ANO5: variants seen among roughly 807,000 people sequenced by gnomAD.
The protein encoded by ANO5 is anoctamin-5.
ANO5 carries 109 observed loss-of-function variants against 121.0 expected under a neutral mutation model. The observed-to-expected ratio is 0.90, with a 90% CI of 0.77 to 1.06. ANO5 has a LOEUF of 1.06. Ranked by LOEUF, ANO5 falls within the 50% of genes least tolerant of loss-of-function variation. ANO5 has a pLI of 0.00. For synonymous variants in ANO5, 406 were observed against 359.9 expected (o/e 1.13, Z -1.45); for missense variants, 1,064 against 1,078.5 (o/e 0.99, Z 0.19).
Position 22,272,781 on chromosome 11 carries a change from C to G in ANO5, c.2030-3C>G, listed in dbSNP as rs752534913. On this transcript the variant is annotated splice_polypyrimidine_tract_variant and splice_region_variant and intron_variant, in intron 18 of 21. Transcript: ENST00000324559. The stretch of plus-strand genomic sequence containing the variant: ...AGTTCATGCCTTTTTCTTTTCTCTA[C>G]AGTTACTCAATTTGGATTTGTTACA... 6.2e-7 allele frequency: 1 copy of G among 1,613,110 alleles called. No individual in the cohort carries two copies. The highest frequency in any genetic ancestry group is 1.1e-5 in the South Asian group (1 of 91,044).
chr11:22,251,993 G>A (rs745916667), intron 12 of ANO5, among the ~76,000 whole-genome samples: 14 of 119,816 alleles, frequency 1.2e-4, no homozygotes, highest in Admixed American at 2.4e-4. Flanking sequence ...TTGTGCCACT[G>A]CACTCAAGCC....
intron 1 of ANO5, among the ~76,000 whole-genome samples, chr11:22,201,895 A>T (rs932571374): frequency 6.6e-6 from 1 of 152,126 alleles, no homozygotes. Flanking sequence ...TTGGGAGACA[A>T]ATTCAATCCA....
At chr11:22,228,240 A>G (rs1213289301) in intron 7 of ANO5, among the ~76,000 whole-genome samples, 1 of 152,090 alleles carries the variant, frequency 6.6e-6, no homozygotes, top group Non-Finnish European at 1.5e-5. Flanking sequence ...AGCTTTGAGC[A>G]GTGCCTGGCT....
chr11:22,215,814 G>T lies in ANO5; in HGVS notation c.139-2432G>T, dbSNP rs149227766. Among the ~76,000 whole-genome samples, 295 of 151,730 alleles carry T rather than the reference G, an allele frequency of 1.9e-3. 5 individuals carry two copies. The East Asian group carries it at 0.045, about 23-fold the overall frequency. On this transcript the variant is annotated intron_variant, in intron 3 of 21. Coordinates refer to ENST00000324559, the MANE Select transcript of ANO5 (RefSeq NM_213599.3). ...ATTACCTCAAAAATTTCCCTTTAGC[G>T]GTTTTCCTCCTACCATATTCTAGCA...
At chr11:22,246,866 A>C (rs1231057515) in intron 9 of ANO5, among the ~76,000 whole-genome samples, 3 of 149,706 alleles carry the variant, frequency 2.0e-5, no homozygotes, top group African/African-American at 7.3e-5. Context: ...CAAAAAAAAA[A>C]AAAAAAAAAA....
chr11:22,263,097 C>G (rs1318685268), intron 17 of ANO5, 54 bp downstream of exon 17: 1 of 1,453,128 alleles, frequency 6.9e-7, no homozygotes, highest in African/African-American at 1.4e-5. Flanking sequence ...GAGATATTTC[C>G]TCTAGAAGAA....
At chr11:22,214,441 G>C (rs140396046) in intron 3 of ANO5, among the ~76,000 whole-genome samples, 3 of 152,024 alleles carry the variant, frequency 2.0e-5, no homozygotes, top group African/African-American at 7.2e-5. Flanking sequence ...GGCCTACTCA[G>C]TGTAGGATAA....
At chr11:22,210,315 GCTTTTGTGGCACATTCTGTTACTTTA>G (rs1306473797) in intron 2 of ANO5, among the ~76,000 whole-genome samples, 47 of 152,014 alleles carry the variant, frequency 3.1e-4, no homozygotes, top group Non-Finnish European at 5.2e-4. Flanking sequence ...AGAAATTACT[GCTTTTGTGGCACATTCTGTTACTTTA>G]CTTTTGTAGC....
chr11:22,193,481 G>A lies in ANO5; in HGVS notation c.-12G>A, dbSNP rs201208417. 3.3e-5 allele frequency: 53 copies of A among 1,611,744 alleles called. No individual in the cohort carries two copies. The East Asian group carries it at 1.1e-3, about 33-fold the overall frequency. ...CCTCTCAGGCACCAGTGCCATTAAC[G>A]AGCTGGCGAAGATGGGCGACCCGGA... On this transcript the variant is annotated 5_prime_UTR_variant, in exon 1 of 22. Coordinates refer to ENST00000324559, the MANE Select transcript of ANO5 (RefSeq NM_213599.3).
intron 9 of ANO5, among the ~76,000 whole-genome samples, chr11:22,241,437 A>G (rs1853429068): frequency 6.6e-6 from 1 of 151,984 alleles, no homozygotes; most frequent in East Asian, 1.9e-4. Context: ...GTCAAATGGC[A>G]GCTCTGTTTT....
intron 2 of ANO5, among the ~76,000 whole-genome samples, chr11:22,210,305 A>G (rs1280043482): frequency 7.3e-6 from 1 of 136,624 alleles, no homozygotes; most frequent in African/African-American, 3.7e-5. Context: ...AAGAACACAG[A>G]GAAATTACTG....
chr11:22,221,012 C>G, intron 4 of ANO5, 85 bp from the exon 5 acceptor site: 1 of 999,316 alleles, frequency 1.0e-6, no homozygotes. Flanking sequence ...CTTGATTTGA[C>G]TAAATTATAA....
At chr11:22,260,879 T>C (rs769402573) in intron 15 of ANO5, among the ~76,000 whole-genome samples, 21 of 152,350 alleles carry the variant, frequency 1.4e-4, no homozygotes, top group Non-Finnish European at 2.4e-4. Flanking sequence ...TATTTTGTTA[T>C]CTTTAGAATT....
chr11:22,221,351 A>G (rs187636118), intron 5 of ANO5, 141 bp downstream of exon 5: 4 of 725,418 alleles, frequency 5.5e-6, no homozygotes, highest in African/African-American at 3.5e-5. Context: ...AGATAACTGT[A>G]AAGTAGGCAG....
At chr11:22,252,613 GCAAATATTTTTTT>G (rs1853864769) in intron 12 of ANO5, among the ~76,000 whole-genome samples, 1 of 151,940 alleles carries the variant, frequency 6.6e-6, no homozygotes, top group Non-Finnish European at 1.5e-5. Context: ...CACATAAATT[GCAAATATTTTTTT>G]CAGTTTGTAA....
chr11:22,274,163 TACACACACACAC>T lies in ANO5; in HGVS notation c.2236-387_2236-376del, dbSNP rs34022294. Reference sequence around the variant, plus strand: ...CTTCATTCCTTTCCTGTTAATCTCTTACACACACACACACACACACACACACACACCCGCAGT... The same window carrying T: ...CTTCATTCCTTTCCTGTTAATCTCTTACACACACACACACACACCCGCAGT... On this transcript the variant is annotated intron_variant, in intron 19 of 21. Transcript: ENST00000324559. Among the ~76,000 whole-genome samples the T allele has an allele frequency of 1.7e-4, 25 of 143,844 alleles. No homozygotes were observed. The South Asian group carries it at 3.4e-3, about 19-fold the overall frequency. 94.4% of individuals were successfully genotyped at this position (143,844 alleles called of 152,430 possible). A position where few individuals can be genotyped will look rare whatever the true frequency, so the allele number is the denominator to read the frequency against.
chr11:22,226,784 C>A (rs1852848890), intron 6 of ANO5, among the ~76,000 whole-genome samples: 1 of 152,094 alleles, frequency 6.6e-6, no homozygotes, highest in Non-Finnish European at 1.5e-5. Flanking sequence ...AATTATTATA[C>A]CACACAATCC....
At chr11:22,252,054 A>AAAAAACT (rs1564937269) in intron 12 of ANO5, among the ~76,000 whole-genome samples, 4 of 139,954 alleles carry the variant, frequency 2.9e-5, no homozygotes, top group Non-Finnish European at 4.5e-5. Context: ...AAAAAAAAAA[A>AAAAAACT]AAAAACTAGG....
At chr11:22,243,640 A>C (rs1853508616) in intron 9 of ANO5, among the ~76,000 whole-genome samples, 1 of 115,186 alleles carries the variant, frequency 8.7e-6, no homozygotes, top group Non-Finnish European at 2.0e-5. Flanking sequence ...TTCCTGGTTT[A>C]ATCTTGGGAG....
Sources: allele counts gnomAD v4.1 joint callset (sites outside exome capture counted in the v4.1 genomes callset), GRCh38; gene constraint gnomAD v4.1.1; transcripts MANE v1.5; gene names NCBI Gene and HGNC (gene_info 2026-07-23, HGNC 2026-07-21).